Variants in INHBA observed in about 807,000 individuals in gnomAD.
INHBA encodes the protein inhibin subunit beta A, also known as inhibin beta A chain.
Under a neutral mutation model 29.0 loss-of-function variants are expected in INHBA, and 1 was observed. The ratio of observed to expected loss-of-function variants is 0.03; its 90% CI spans 0.01 to 0.16. The LOEUF is 0.16. Ranked by LOEUF, INHBA falls within the 10% of genes least tolerant of loss-of-function variation. The probability of loss-of-function intolerance (pLI) is 1.00; values close to 1 mark genes in which losing one functional copy is unlikely to be tolerated. For missense variants in INHBA, 376 were observed against 545.4 expected, an observed-to-expected ratio of 0.69 and a Z score of 3.09; for synonymous variants, 242 against 216.8, an observed-to-expected ratio of 1.12 and a Z score of -1.02.
In INHBA at chr7:41,688,951, T is replaced by C; in HGVS notation, c.*699A>G. 4.3e-6 allele frequency: 1 copy of C among 232,016 alleles called. No homozygotes were observed. Among genetic ancestry groups the C allele is most frequent in the Non-Finnish European group, 8.5e-6 (1 of 117,250 alleles). The allele number at this position is 232,016 out of a possible 1,614,324, so 14.4% of individuals were successfully genotyped here. A position where few individuals can be genotyped will look rare whatever the true frequency, so the allele number is the denominator to read the frequency against. On this transcript the variant is annotated 3_prime_UTR_variant, in exon 3 of 3. Transcript: ENST00000242208. ...AATGTAACTTGGTATTCTTTTTTCCTTGATCTTTCATTCTTTCCATACTTG... is the reference window on the plus strand; with the variant it reads ...AATGTAACTTGGTATTCTTTTTTCCCTGATCTTTCATTCTTTCCATACTTG...
In INHBA at chr7:41,685,913, T is replaced by C. The variant is rs1448950811; in HGVS notation, c.*3737A>G. ...TTTGTGGGTTTTCAGGGTGACTAAG[T>C]TTTTCCCTACATTGAAAAGAGAAGT... is the stretch of plus-strand genomic sequence containing the variant. On this transcript the variant is annotated 3_prime_UTR_variant, in exon 3 of 3. Transcript: ENST00000242208. The C allele has an allele frequency of 6.6e-6, 1 of 152,106 alleles. No individual in the cohort carries two copies. Among genetic ancestry groups the C allele is most frequent in the Non-Finnish European group, 1.5e-5 (1 of 68,000 alleles). The allele number at this position is 152,106 out of a possible 1,614,324, so 9.4% of individuals were successfully genotyped here. A position where few individuals can be genotyped will look rare whatever the true frequency, so the allele number is the denominator to read the frequency against.
Position 41,689,530 on chromosome 7 carries a change from T to TTG in INHBA, c.*119_*120insCA. 1 of 827,324 alleles carries TTG rather than the reference T, an allele frequency of 1.2e-6. No homozygotes were observed. The allele number at this position is 827,324 out of a possible 1,614,324, so 51.2% of individuals were successfully genotyped here. On this transcript the variant is annotated 3_prime_UTR_variant, in exon 3 of 3. Transcript: ENST00000242208. ...TTACTTTTGTTTTTTTTTGTTTTTT[T>TTG]TTTTGTTTTGTTTTTAATTTCTATT...
chr7:41,689,110 G>A lies in INHBA; in HGVS notation c.*540C>T, dbSNP rs1301156545. On this transcript the variant is annotated 3_prime_UTR_variant, in exon 3 of 3. Transcript: ENST00000242208. ...GTAATGTGTGGAAATGCCTGTGTGT[G>A]TGTGTGTGTGTGTGTGTGTGTGTGT... The A allele has an allele frequency of 4.8e-6, 1 of 207,538 alleles. No individual in the cohort carries two copies. The highest frequency in any genetic ancestry group is 2.3e-5 in the African/African-American group (1 of 44,292). 12.9% of individuals were successfully genotyped at this position (207,538 alleles called of 1,614,324 possible).
chr7:41,700,428 C>A lies in INHBA; in HGVS notation c.-54G>T. 1 of 1,356,560 alleles carries A rather than the reference C, an allele frequency of 7.4e-7. No homozygotes were observed. Among genetic ancestry groups the A allele is most frequent in the East Asian group, 2.5e-5 (1 of 39,532 alleles). The allele number at this position is 1,356,560 out of a possible 1,614,324, so 84.0% of individuals were successfully genotyped here. A position where few individuals can be genotyped will look rare whatever the true frequency, so the allele number is the denominator to read the frequency against. On this transcript the variant is annotated 5_prime_UTR_variant, in exon 2 of 3. Transcript: ENST00000242208. ...TTTTTAAAAGGCCCTGCTTTTCCTC[C>A]CCCCTCACGCGCAGGTTTTTTTGTG...
chr7:41,694,285 T>C (rs1562567796), intron 2 of INHBA, among the ~76,000 whole-genome samples: 1 of 152,150 alleles, frequency 6.6e-6, no homozygotes, highest in Non-Finnish European at 1.5e-5. Flanking sequence ...AGATAATAAA[T>C]AACAGGTCAA....
chr7:41,703,615 T>TC (rs1216414747), upstream of INHBA, among the ~76,000 whole-genome samples: 5 of 152,094 alleles, frequency 3.3e-5, no homozygotes, highest in Non-Finnish European at 7.4e-5. Context: ...GATGATGGTC[T>TC]CCCCCGACCC....
At chr7:41,699,639 G>A (rs997570024) in intron 2 of INHBA, among the ~76,000 whole-genome samples, 13 of 152,088 alleles carry the variant, frequency 8.5e-5, no homozygotes, top group Non-Finnish European at 1.5e-4. Context: ...CTTTCCTCCG[G>A]CTGCTCAGAT....
At chr7:41,698,772 A>G (rs1040415957) in intron 2 of INHBA, among the ~76,000 whole-genome samples, 19 of 152,210 alleles carry the variant, frequency 1.2e-4, no homozygotes, top group Admixed American at 2.0e-4. Context: ...GTTTTCTTGA[A>G]AACAGAACAT....
chr7:41,699,963 C>A (rs750355530), intron 2 of INHBA, 24 bp downstream of exon 2: 1 of 443,594 alleles, frequency 2.3e-6, no homozygotes, highest in African/African-American at 2.3e-5. Flanking sequence ...CCCCTCCCCA[C>A]CCCCTGCCAA....
At chr7:41,704,725 T>C (rs1794875407), upstream of INHBA, among the ~76,000 whole-genome samples, 1 of 151,494 alleles carries the variant, frequency 6.6e-6, no homozygotes. Context: ...CTCTGCTCAC[T>C]CACCGTGTAA....
In INHBA at chr7:41,700,233, G is replaced by A; in HGVS notation, c.142C>T (p.Pro48Ser). 6.2e-7 allele frequency: 1 copy of A among 1,613,552 alleles called. No homozygotes were observed. The highest frequency in any genetic ancestry group is 8.5e-7 in the Non-Finnish European group (1 of 1,179,620). The change falls in exon 2 of 3, where the codon CCC (proline) becomes TCC (serine). Residue 48 changes from proline (P) to serine (S), a missense_variant. Coordinates refer to ENST00000242208, the MANE Select transcript of INHBA (RefSeq NM_002192.4). Reference sequence around the variant, plus strand: ...TCCACCATCTCTGGCTGAGAGTTGGGTACATCCTTTGGGAGGGCGGCCAGC... The same window carrying A: ...TCCACCATCTCTGGCTGAGAGTTGGATACATCCTTTGGGAGGGCGGCCAGC... ...CALAALPKDV[P>S]NSQPEMVEAV...
At position 41,689,577 on chromosome 7, in the gene INHBA, T is replaced by C; in HGVS notation, c.*73A>G. The C allele has an allele frequency of 1.7e-6, 2 of 1,197,966 alleles. No homozygotes were observed. 74.2% of individuals were successfully genotyped at this position (1,197,966 alleles called of 1,614,324 possible). A position where few individuals can be genotyped will look rare whatever the true frequency, so the allele number is the denominator to read the frequency against. On this transcript the variant is annotated 3_prime_UTR_variant, in exon 3 of 3. Coordinates refer to ENST00000242208, the MANE Select transcript of INHBA (RefSeq NM_002192.4). ...TATTTTTCTGGTTAACTCAGAAACC[T>C]TAAAAATTTCTTCATTTTGCCACTG...
Position 41,688,875 on chromosome 7 carries a change from G to T in INHBA, c.*775C>A, listed in dbSNP as rs1794438992. The T allele has an allele frequency of 8.8e-6, 2 of 226,724 alleles. No individual in the cohort carries two copies. The highest frequency in any genetic ancestry group is 2.2e-5 in the African/African-American group (1 of 44,788). 14.0% of individuals were successfully genotyped at this position (226,724 alleles called of 1,614,324 possible). A position where few individuals can be genotyped will look rare whatever the true frequency, so the allele number is the denominator to read the frequency against. Reference sequence around the variant, plus strand: ...CTTTTTGTTCTCTCTCAGGTAAACAGTTTCAAACCTATTAGGTTGCATAGT... The same window carrying T: ...CTTTTTGTTCTCTCTCAGGTAAACATTTTCAAACCTATTAGGTTGCATAGT... On this transcript the variant is annotated 3_prime_UTR_variant, in exon 3 of 3. Transcript: ENST00000242208.
rs1562570554 is a variant in INHBA, at chr7:41,699,970, C to T, written c.388+17G>A. 3.7e-6 allele frequency: 2 copies of T among 542,980 alleles called. No homozygotes were observed. Among genetic ancestry groups the T allele is most frequent in the South Asian group, 2.8e-5 (1 of 35,750 alleles). 33.6% of individuals were successfully genotyped at this position (542,980 alleles called of 1,614,324 possible). On this transcript the variant is annotated intron_variant, in intron 2 of 2. Coordinates refer to ENST00000242208, the MANE Select transcript of INHBA (RefSeq NM_002192.4). ...ACCCCCCACCCCTCCCCACCCCCTGCCAATGCCAGCACCAACCTGACTCGG... is the reference window on the plus strand; with the variant it reads ...ACCCCCCACCCCTCCCCACCCCCTGTCAATGCCAGCACCAACCTGACTCGG...
intron 2 of INHBA, among the ~76,000 whole-genome samples, chr7:41,696,295 C>T (rs763280529): frequency 1.3e-5 from 2 of 152,164 alleles, no homozygotes; most frequent in Non-Finnish European, 2.9e-5. Context: ...AAATCAGTAT[C>T]GCTGATGATT....
At position 41,688,272 on chromosome 7, in the gene INHBA, A is replaced by G. The variant is rs147461479; in HGVS notation, c.*1378T>C. The G allele has an allele frequency of 8.5e-5, 13 of 152,342 alleles. No individual in the cohort carries two copies. Among genetic ancestry groups the G allele is most frequent in the Non-Finnish European group, 1.5e-4 (10 of 68,030 alleles). 9.4% of individuals were successfully genotyped at this position (152,342 alleles called of 1,614,324 possible). ...TGTATATATACACATACAAGCATGT[A>G]GTTCCATGAATTTGATTGAACTTGA... On this transcript the variant is annotated 3_prime_UTR_variant, in exon 3 of 3. Transcript: ENST00000242208.
chr7:41,689,841 A>T lies in INHBA; in HGVS notation c.1090T>A (p.Ser364Thr), dbSNP rs753232360. ...ACTGTTGAGTGGAAGGACAGTGAGG[A>T]CCCGGACGTGCCTGCTATATGGCTC... ...CPSHIAGTSG[S>T]SLSFHSTVIN... is the part of the protein sequence containing the mutation. The change falls in exon 3 of 3, where the codon TCC becomes ACC. Residue 364 changes from serine (S) to threonine (T), a missense_variant. Physicochemically the swap from Ser to Thr is moderately conservative, Grantham distance 58 (BLOSUM62 1). Around this residue, in one of 4 missense-constraint regions of INHBA, gnomAD observed 50 missense variants for 137.9 expected, o/e 0.36. Transcript: ENST00000242208. 6.2e-7 allele frequency: 1 copy of T among 1,614,008 alleles called. No individual in the cohort carries two copies. The highest frequency in any genetic ancestry group is 1.1e-5 in the South Asian group (1 of 91,068).
intron 2 of INHBA, among the ~76,000 whole-genome samples, chr7:41,699,006 T>C (rs1794711323): frequency 6.6e-6 from 1 of 152,246 alleles, no homozygotes; most frequent in Non-Finnish European, 1.5e-5. Flanking sequence ...AACACATCTG[T>C]GTGCCTGACG....
chr7:41,704,033 C>T (rs1423476898), upstream of INHBA, among the ~76,000 whole-genome samples: 1 of 152,100 alleles, frequency 6.6e-6, no homozygotes, highest in African/African-American at 2.4e-5. Context: ...TGAAGGACTA[C>T]AGTTGAAGCA....
Sources: allele counts gnomAD v4.1 joint callset (sites outside exome capture counted in the v4.1 genomes callset), GRCh38; gene constraint gnomAD v4.1.1; regional missense constraint gnomAD v4.1.1; transcripts MANE v1.5; gene names NCBI Gene and HGNC (gene_info 2026-07-23, HGNC 2026-07-21).